MAD1L1: variants seen among roughly 807,000 people sequenced by gnomAD.
The protein encoded by MAD1L1 is mitotic arrest deficient 1 like 1.
Under a neutral mutation model 96.9 loss-of-function variants are expected in MAD1L1, and 95 were observed. The observed-to-expected ratio is 0.98, with a 90% CI of 0.83 to 1.16. The LOEUF (loss-of-function observed/expected upper bound fraction) is 1.16, where lower values mean the gene tolerates loss of function less well. Ranked by LOEUF, MAD1L1 falls within the 50% of genes most tolerant of loss-of-function variation. The pLI is 0.00. For synonymous variants in MAD1L1, 473 were observed against 396.6 expected (o/e 1.19, Z -2.29); for missense variants, 1,007 against 954.4 (o/e 1.06, Z -0.73).
intron 18 of MAD1L1, chr7:1,849,128 G>GCACACACACACGTACACACATGCACA (rs71548206): frequency 2.0e-5 from 3 of 152,592 alleles, no homozygotes; most frequent in Admixed American, 6.6e-5. Flanking sequence ...ACACAGACAT[G>GCACACACACACGTACACACATGCACA]CACACACACG....
chr7:2,230,004 G>A lies in MAD1L1; in HGVS notation c.130C>T (p.Gln44Ter). ...STSAPGSLQM[Q>*]YQQSMQLEER... is the part of the protein sequence containing the mutation. ...CTCACCTGCATGCTCTGCTGGTACT[G>A]CATCTGCAGAGAACCTGGGGCCGAG... The change falls in exon 3 of 19, where the codon CAG becomes TAG. Residue 44 changes from glutamine to a stop codon, truncating the protein, a stop_gained. Coordinates refer to ENST00000265854, the MANE Select transcript of MAD1L1 (RefSeq NM_001013836.2). LOFTEE classifies it high-confidence loss of function. 2 of 1,613,162 alleles carry A rather than the reference G, an allele frequency of 1.2e-6. No individual in the cohort carries two copies. The highest frequency in any genetic ancestry group is 2.2e-5 in the East Asian group (1 of 44,888).
At chr7:1,869,038 T>G (rs958307537) in intron 18 of MAD1L1, among the ~76,000 whole-genome samples, 1 of 151,922 alleles carries the variant, frequency 6.6e-6, no homozygotes, top group East Asian at 1.9e-4. Context: ...CAGGCTGGGG[T>G]GGGGCCCGAA....
At chr7:2,162,272 TA>T (rs562541090) in intron 10 of MAD1L1, among the ~76,000 whole-genome samples, 2,639 of 148,688 alleles carry the variant, frequency 0.018, 71 homozygotes, top group African/African-American at 0.062. Flanking sequence ...GGGATGCTGT[TA>T]ATCTATAACC....
chr7:2,219,487 A>G (rs1240112975), intron 5 of MAD1L1, 31 bp from the exon 6 acceptor site: 1 of 1,608,550 alleles, frequency 6.2e-7, no homozygotes, highest in Non-Finnish European at 8.5e-7. Flanking sequence ...AGAGCCGCTC[A>G]GTGAGTGGAG....
chr7:2,197,578 C>A (rs1475932674), intron 10 of MAD1L1, among the ~76,000 whole-genome samples: 4 of 152,188 alleles, frequency 2.6e-5, no homozygotes, highest in African/African-American at 9.7e-5. Flanking sequence ...ACAGGCACGA[C>A]CAGGACTGGC....
intron 18 of MAD1L1, chr7:1,874,388 C>A: frequency 2.6e-6 from 1 of 384,468 alleles, no homozygotes. Flanking sequence ...GCAGCAGCAC[C>A]GGGACGGGGG....
At chr7:1,842,152 G>A (rs180738976) in intron 18 of MAD1L1, among the ~76,000 whole-genome samples, 139 of 152,252 alleles carry the variant, frequency 9.1e-4, no homozygotes, top group African/African-American at 2.9e-3. Context: ...TTATGGCTTT[G>A]TAGATCTTGT....
chr7:2,122,589 G>A (rs917609295), intron 11 of MAD1L1, among the ~76,000 whole-genome samples: 3 of 151,836 alleles, frequency 2.0e-5, no homozygotes, highest in Admixed American at 6.6e-5. Flanking sequence ...GCGACAGAGC[G>A]AGACTCTGTT....
intron 13 of MAD1L1, among the ~76,000 whole-genome samples, chr7:2,013,233 C>T (rs1223157047): frequency 6.6e-6 from 1 of 152,222 alleles, no homozygotes; most frequent in Non-Finnish European, 1.5e-5. Context: ...AGGTCATCTT[C>T]CAGCTGGTCA....
At chr7:1,896,082 C>T (rs992940399) in intron 18 of MAD1L1, among the ~76,000 whole-genome samples, 2 of 152,330 alleles carry the variant, frequency 1.3e-5, no homozygotes, top group African/African-American at 2.4e-5. Context: ...AGGCCTGGGG[C>T]GAGCAGGGCT....
chr7:1,986,124 C>T (rs543462855), intron 14 of MAD1L1, among the ~76,000 whole-genome samples: 109 of 152,184 alleles, frequency 7.2e-4, no homozygotes, highest in Non-Finnish European at 1.1e-3. Context: ...GAAGGACAGG[C>T]CTGCTTCCTT....
intron 15 of MAD1L1, among the ~76,000 whole-genome samples, chr7:1,967,223 CCAGAG>C (rs2128477921): frequency 6.6e-6 from 1 of 152,214 alleles, no homozygotes; most frequent in Non-Finnish European, 1.5e-5. Flanking sequence ...ACTCTAATTC[CCAGAG>C]CAAACACTCA....
At chr7:2,171,352 G>A (rs184009882) in intron 10 of MAD1L1, among the ~76,000 whole-genome samples, 1 of 152,352 alleles carries the variant, frequency 6.6e-6, no homozygotes, top group Non-Finnish European at 1.5e-5. Flanking sequence ...CAACACTGTG[G>A]TGCTGGAGCC....
intron 1 of MAD1L1, among the ~76,000 whole-genome samples, chr7:2,232,393 C>T (rs922737708): frequency 6.6e-6 from 1 of 152,256 alleles, no homozygotes; most frequent in African/African-American, 2.4e-5. Context: ...AAACCGGGCC[C>T]ACACGCCCCC....
At chr7:1,907,533 G>A (rs373322216) in intron 17 of MAD1L1, among the ~76,000 whole-genome samples, 3 of 152,364 alleles carry the variant, frequency 2.0e-5, no homozygotes, top group Admixed American at 6.5e-5. Flanking sequence ...AATCCTACTC[G>A]GCGTAGGCCC....
At position 2,007,310 on chromosome 7, in the gene MAD1L1, C is replaced by T. The variant is rs187329867; in HGVS notation, c.1360-5189G>A. ...CGGAGCGTTCTCCCAGCTCTGGTGC[C>T]GACAGCCTGTGCAGTAACGCGTCAC... On this transcript the variant is annotated intron_variant, in intron 13 of 18. Coordinates refer to ENST00000265854, the MANE Select transcript of MAD1L1 (RefSeq NM_001013836.2). Among the ~76,000 whole-genome samples the T allele has an allele frequency of 6.6e-5, 10 of 152,322 alleles. No individual in the cohort carries two copies. In the East Asian group the frequency reaches 1.7e-3, roughly 26 times the overall value.
intron 17 of MAD1L1, among the ~76,000 whole-genome samples, chr7:1,922,257 C>T (rs1788840204): frequency 6.6e-6 from 1 of 152,278 alleles, no homozygotes; most frequent in South Asian, 2.1e-4. Context: ...TGCGCTGCAC[C>T]CCACGAGCCA....
At chr7:1,944,074 A>G (rs1392638175) in intron 16 of MAD1L1, among the ~76,000 whole-genome samples, 1 of 152,070 alleles carries the variant, frequency 6.6e-6, no homozygotes, top group Non-Finnish European at 1.5e-5. Context: ...CCTTCCCAGG[A>G]AATGCTGGTA....
At chr7:2,193,679 CG>C (rs1562358457) in intron 10 of MAD1L1, among the ~76,000 whole-genome samples, 1 of 152,188 alleles carries the variant, frequency 6.6e-6, no homozygotes, top group African/African-American at 2.4e-5. Flanking sequence ...AACACGGCCG[CG>C]GGTAACTCCA....
Sources: gnomAD v4.1 joint callset for allele counts (sites outside exome capture counted in the v4.1 genomes callset) on GRCh38, gnomAD v4.1.1 for gene constraint, MANE v1.5 for transcripts, NCBI Gene and HGNC (gene_info 2026-07-23, HGNC 2026-07-21) for gene names.